The following NDRG2 variants were observed in gnomAD, a reference collection of about 807,000 sequenced individuals.
The protein encoded by NDRG2 is protein NDRG2.
In NDRG2, 34 loss-of-function variants were observed where a neutral mutation model predicts 58.2. The observed-to-expected ratio is 0.58, with a 90% confidence interval of 0.44 to 0.78. The LOEUF is 0.78. Ranked by LOEUF, NDRG2 falls within the 30% of genes least tolerant of loss-of-function variation. NDRG2 has a pLI of 0.00. For missense variants in NDRG2, 434 were observed against 471.2 expected, an observed-to-expected ratio of 0.92 and a Z score of 0.73; for synonymous variants, 187 against 175.9, an observed-to-expected ratio of 1.06 and a Z score of -0.50.
In NDRG2 at chr14:21,021,798, G is replaced by T; in HGVS notation, c.407+19C>A. ...CTGGAAAGAGAACTCTGGTTTGGAG[G>T]GGTTCCCAGGCCTCTCACTTTAGGT... is the stretch of plus-strand genomic sequence containing the variant. On this transcript the variant is annotated intron_variant, in intron 6 of 15. Transcript: ENST00000556147. 6.2e-7 allele frequency: 1 copy of T among 1,608,724 alleles called. No homozygotes were observed.
chr14:21,036,178 A>T, intron 1 of NDRG2: 1 of 456,152 alleles, frequency 2.2e-6, no homozygotes, highest in Non-Finnish European at 4.4e-6. Context: ...TTCCATTCTT[A>T]TTTCTTCCTC....
chr14:21,019,283 A>G (rs1878737599), intron 10 of NDRG2, 123 bp from the exon 11 acceptor site: 2 of 984,926 alleles, frequency 2.0e-6, no homozygotes, highest in Non-Finnish European at 1.5e-6. Flanking sequence ...TGGTTATTAA[A>G]GGTGGAAACC....
At chr14:21,049,632 AT>A (rs1346827379) in intron 1 of NDRG2, among the ~76,000 whole-genome samples, 1 of 152,110 alleles carries the variant, frequency 6.6e-6, no homozygotes, top group African/African-American at 2.4e-5. Context: ...AATGAGCAAA[AT>A]AACCCTGAGG....
chr14:21,020,094 G>C, intron 8 of NDRG2, 118 bp from the exon 9 acceptor site: 1 of 820,786 alleles, frequency 1.2e-6, no homozygotes, highest in Non-Finnish European at 2.0e-6. Context: ...AGGAGTTCAA[G>C]ACCACCCTGG....
chr14:21,025,392 A>G, upstream of NDRG2: 2 of 985,486 alleles, frequency 2.0e-6, no homozygotes, highest in Non-Finnish European at 2.4e-6. The surrounding 1 kb of genome is among the most constrained non-coding windows in gnomAD (Gnocchi z 5.1). Context: ...CCCATCCACG[A>G]CCTGGATCTG....
chr14:21,023,987 T>C, intron 1 of NDRG2, 43 bp downstream of exon 1: 1 of 985,900 alleles, frequency 1.0e-6, no homozygotes, highest in South Asian at 4.7e-5. Context: ...TGGACAGACC[T>C]GCACAGGAAG....
intron 1 of NDRG2, chr14:21,034,296 G>C (rs1884468421): frequency 6.2e-7 from 1 of 1,602,112 alleles, no homozygotes; most frequent in African/African-American, 1.3e-5. Flanking sequence ...CATTCCTCCT[G>C]CTGGTAGAGT....
chr14:21,058,390 C>T (rs933864192), intron 1 of NDRG2: 35 of 1,448,982 alleles, frequency 2.4e-5, no homozygotes, highest in Non-Finnish European at 3.2e-5. Flanking sequence ...TCACACTCTG[C>T]AGACTGTATG....
rs1879024018 is a variant in NDRG2, at chr14:21,019,742, C to G, written c.613G>C (p.Glu205Gln). The G allele has an allele frequency of 6.2e-7, 1 of 1,606,972 alleles. No homozygotes were observed. Among genetic ancestry groups the G allele is most frequent in the Non-Finnish European group, 8.5e-7 (1 of 1,173,952 alleles). The change falls in exon 10 of 16, where the codon GAA becomes CAA. Residue 205 changes from glutamate to glutamine, a missense_variant and splice_region_variant. Glu to Gln is a conservative substitution (Grantham distance 29). Coordinates refer to ENST00000556147, the MANE Select transcript of NDRG2 (RefSeq NM_001320329.2). The part of the protein sequence containing the change: ...EMILGHLFSQ[E>Q]ELSGNSELIQ... Reference sequence around the variant, plus strand: ...AACTCAGAATTTCCAGAGAGCTCTTCCTGAAGGAGAGAACAAGGAGAAAAA... The same window carrying G: ...AACTCAGAATTTCCAGAGAGCTCTTGCTGAAGGAGAGAACAAGGAGAAAAA...
intron 1 of NDRG2, chr14:21,032,500 C>T (rs1367538776): frequency 2.8e-6 from 1 of 355,674 alleles, no homozygotes; most frequent in East Asian, 8.2e-5. Flanking sequence ...ATATTAGATC[C>T]TTCCCTGTCC....
rs372349097 is a variant in NDRG2, at chr14:21,066,312, TTG to T, written c.24+4514_24+4515del. ...ATTTATTTGGATCTTTTTTTTTTGG[TTG>T]TGTTTTTTTTGTTTTTTTTTTTTGG... On this transcript the variant is annotated intron_variant, in intron 1 of 14. Coordinates refer to the NDRG2 transcript ENST00000403829. Among the ~76,000 whole-genome samples the T allele has an allele frequency of 3.5e-3, 516 of 148,764 alleles. 6 individuals are homozygous for T. Among genetic ancestry groups the T allele is most frequent in the African/African-American group, 0.012 (493 of 40,820 alleles).
intron 1 of NDRG2, among the ~76,000 whole-genome samples, chr14:21,064,553 C>T (rs1047327337): frequency 6.6e-6 from 1 of 152,188 alleles, no homozygotes; most frequent in African/African-American, 2.4e-5. Flanking sequence ...CCGCCCACCT[C>T]GGCCTCCCAA....
rs74652379 is a variant in NDRG2, at chr14:21,032,439, C to G, written c.25-9118G>C. 6 of 414,508 alleles carry G rather than the reference C, an allele frequency of 1.4e-5. No individual in the cohort carries two copies. The East Asian group carries it at 4.1e-4, about 28-fold the overall frequency. The allele number at this position is 414,508 out of a possible 1,614,324, so 25.7% of individuals were successfully genotyped here. On this transcript the variant is annotated intron_variant, in intron 1 of 14. Coordinates refer to the NDRG2 transcript ENST00000403829. ...CTGATATCCACCTCTCCACCCCCAC[C>G]CCTCAAAAGGGTGTAGCAATTCCTC...
chr14:21,060,319 C>T (rs1442774984), intron 1 of NDRG2, among the ~76,000 whole-genome samples: 1 of 152,128 alleles, frequency 6.6e-6, no homozygotes, highest in Non-Finnish European at 1.5e-5. Context: ...CCTCCAGCCC[C>T]CTCCACATTG....
chr14:21,060,363 T>C (rs1272104365), intron 1 of NDRG2, among the ~76,000 whole-genome samples: 3 of 151,912 alleles, frequency 2.0e-5, no homozygotes, highest in Non-Finnish European at 4.4e-5. Context: ...CTGCCCACCC[T>C]CGTGCTTATA....
chr14:21,035,358 G>A (rs910331582), intron 1 of NDRG2, among the ~76,000 whole-genome samples: 6 of 152,226 alleles, frequency 3.9e-5, no homozygotes, highest in East Asian at 3.8e-4. Context: ...GGCATGATCC[G>A]TTTCGTACTG....
At chr14:21,063,117 G>A (rs985438054) in intron 1 of NDRG2, among the ~76,000 whole-genome samples, 4 of 152,110 alleles carry the variant, frequency 2.6e-5, no homozygotes, top group South Asian at 2.1e-4. Flanking sequence ...GCAACGGAGC[G>A]AGACCCTGTC....
At chr14:21,021,455 G>C in intron 6 of NDRG2, 1 of 319,238 alleles carries the variant, frequency 3.1e-6, no homozygotes, top group Non-Finnish European at 6.0e-6. Flanking sequence ...CACCAGGTGT[G>C]GGCATGAAGG....
intron 1 of NDRG2, among the ~76,000 whole-genome samples, chr14:21,046,314 C>T (rs1002527014): frequency 4.6e-5 from 7 of 152,098 alleles, no homozygotes; most frequent in Non-Finnish European, 1.0e-4. Context: ...TACTTGAGCC[C>T]AGGAGTTTGA....
Sources: gnomAD v4.1 joint callset for allele counts (sites outside exome capture counted in the v4.1 genomes callset) on GRCh38, gnomAD v4.1.1 for gene constraint, Gnocchi (gnomAD v3.1) non-coding constraint, MANE v1.5 for transcripts, NCBI Gene and HGNC (gene_info 2026-07-23, HGNC 2026-07-21) for gene names.